The following BCAP29 variants were observed in gnomAD, a reference collection of about 807,000 sequenced individuals.
BCAP29 encodes B cell receptor associated protein 29.
A neutral mutation model predicts 31.8 loss-of-function variants in BCAP29; 34 were observed. The observed-to-expected ratio is 1.07, with a 90% CI of 0.81 to 1.42. The LOEUF (loss-of-function observed/expected upper bound fraction) is 1.42. BCAP29 is among the 40% of genes most tolerant of loss of function. The pLI, the probability that BCAP29 is intolerant of heterozygous loss-of-function variation, is 0.00. For missense variants in BCAP29, 314 were observed against 269.2 expected, an observed-to-expected ratio of 1.17 and a Z score of -1.16; for synonymous variants, 104 against 91.3, an observed-to-expected ratio of 1.14 and a Z score of -0.79.
chr7:107,596,154 G>A, intron 5 of BCAP29, 152 bp downstream of exon 5: 1 of 686,886 alleles, frequency 1.5e-6, no homozygotes, highest in Non-Finnish European at 2.2e-6. Context: ...TTCAAGAATA[G>A]TTTTACTGTT....
intron 3 of BCAP29, among the ~76,000 whole-genome samples, chr7:107,590,256 TTCAC>T (rs942472844): frequency 6.6e-6 from 1 of 152,094 alleles, no homozygotes; most frequent in African/African-American, 2.4e-5. Context: ...AAAAATAATA[TTCAC>T]TCAGTTGTTT....
At chr7:107,599,100 A>T (rs1810445905) in intron 5 of BCAP29, among the ~76,000 whole-genome samples, 1 of 133,676 alleles carries the variant, frequency 7.5e-6, no homozygotes, top group South Asian at 2.1e-4. Context: ...ATGTATATAA[A>T]TATATATTTA....
rs776173375 is a variant in BCAP29 at position 107,618,344 on chromosome 7, G to A, written c.707G>A (p.Gly236Asp). 1.3e-6 allele frequency: 2 copies of A among 1,591,628 alleles called. No homozygotes were observed. Among genetic ancestry groups the A allele is most frequent in the Non-Finnish European group, 8.6e-7 (1 of 1,168,210 alleles). Residue 236 changes from glycine (G) to aspartate (D), a missense_variant, in exon 8 of 8, where the codon GGC (glycine) becomes GAC (aspartate). Gly to Asp is a moderately conservative substitution (Grantham distance 94, BLOSUM62 -1). Coordinates refer to ENST00000005259, the MANE Select transcript of BCAP29 (RefSeq NM_018844.4). Reference protein sequence around the residue: ...HSELQDRLERGNKKRL With the variant: ...HSELQDRLERDNKKRL ...TCCTTACAGGATCGTTTAGAAAGAG[G>A]CAACAAGAAAAGACTGTGAACTTTA...
At chr7:107,603,197 C>A (rs138435335) in intron 6 of BCAP29, among the ~76,000 whole-genome samples, 3,543 of 152,030 alleles carry the variant, frequency 0.023, 134 homozygotes, top group African/African-American at 0.081. Flanking sequence ...GTCTCAATCT[C>A]CTGACCTTGT....
chr7:107,582,333 T>G (rs1806840940), intron 2 of BCAP29, among the ~76,000 whole-genome samples: 1 of 152,226 alleles, frequency 6.6e-6, no homozygotes, highest in African/African-American at 2.4e-5. Flanking sequence ...TATATAAATG[T>G]GTTCTCATGT....
rs113403958 is a variant in BCAP29, at chr7:107,617,752, G to A, written c.691-576G>A. ...TGTTCAGCCTGAACAAGAGCTTGAC[G>A]AACTTCTTTATACAAGCAATAACAC... On this transcript the variant is annotated intron_variant, in intron 7 of 7. Transcript: ENST00000005259. Among the ~76,000 whole-genome samples, 318 of 152,254 alleles carry A rather than the reference G, an allele frequency of 2.1e-3. 5 individuals are homozygous for A. The highest frequency in any genetic ancestry group is 7.0e-3 in the African/African-American group (293 of 41,566).
At chr7:107,605,342 T>A (rs936187322) in intron 6 of BCAP29, among the ~76,000 whole-genome samples, 2 of 152,206 alleles carry the variant, frequency 1.3e-5, no homozygotes, top group Admixed American at 1.3e-4. Context: ...GAAAACAGTT[T>A]GTTCTCAGAA....
chr7:107,602,915 C>G lies in BCAP29; in HGVS notation c.589+2410C>G, dbSNP rs115303534. Among the ~76,000 whole-genome samples, 848 of 149,730 alleles carry G rather than the reference C, an allele frequency of 5.7e-3. 12 individuals are homozygous for G. The highest frequency in any genetic ancestry group is 0.02 in the African/African-American group (812 of 40,698). ...GTCCAAAGAGATTGATTTTAAAGGT[C>G]TCTTCCAGGAAAACTACTTATTTTC... On this transcript the variant is annotated intron_variant, in intron 6 of 7. Transcript: ENST00000005259.
chr7:107,599,342 CATAT>C (rs138569997), intron 5 of BCAP29, among the ~76,000 whole-genome samples: 1 of 60,926 alleles, frequency 1.6e-5, no homozygotes, highest in Non-Finnish European at 3.2e-5. Context: ...TATATGCACA[CATAT>C]ATATATATAT....
intron 3 of BCAP29, among the ~76,000 whole-genome samples, chr7:107,589,172 C>A (rs576726571): frequency 2.0e-5 from 3 of 152,180 alleles, no homozygotes; most frequent in Non-Finnish European, 2.9e-5. Context: ...AGTCCCCACC[C>A]TTTTTGGCAC....
chr7:107,590,832 A>AG (rs201796828), intron 3 of BCAP29, among the ~76,000 whole-genome samples: 23,375 of 146,718 alleles, frequency 0.16, 1,970 homozygotes, highest in Non-Finnish European at 0.23. Flanking sequence ...AAAAAAAAAA[A>AG]AAAAGAAAGA....
chr7:107,584,827 T>C (rs1395602855), intron 3 of BCAP29, among the ~76,000 whole-genome samples: 1 of 152,228 alleles, frequency 6.6e-6, no homozygotes, highest in African/African-American at 2.4e-5. Context: ...CATTGTTACA[T>C]AGCAGGGTCA....
intron 3 of BCAP29, among the ~76,000 whole-genome samples, chr7:107,584,908 C>T (rs1807359881): frequency 6.6e-6 from 1 of 152,126 alleles, no homozygotes; most frequent in Non-Finnish European, 1.5e-5. Context: ...TGACCATGCC[C>T]ATTTGTTTAC....
Position 107,597,367 on chromosome 7 carries a change from C to T in BCAP29, c.480+1365C>T, listed in dbSNP as rs145997646. ...CTGGGATTATAGGCAAGAGTTACCGCGCCCAGCCATACCTCTTCATTCTCT... is the reference window on the plus strand; with the variant it reads ...CTGGGATTATAGGCAAGAGTTACCGTGCCCAGCCATACCTCTTCATTCTCT... On this transcript the variant is annotated intron_variant, in intron 5 of 7. Coordinates refer to ENST00000005259, the MANE Select transcript of BCAP29 (RefSeq NM_018844.4). 2.1e-4 allele frequency among the ~76,000 whole-genome samples: 32 copies of T among 152,194 alleles called. 1 individual carries two copies. The East Asian group carries it at 3.3e-3, about 16-fold the overall frequency.
At chr7:107,588,124 A>G (rs930238256) in intron 3 of BCAP29, among the ~76,000 whole-genome samples, 14 of 152,194 alleles carry the variant, frequency 9.2e-5, no homozygotes, top group Admixed American at 4.6e-4. Flanking sequence ...AAACTTTATA[A>G]TAGTTTTATT....
In BCAP29 at chr7:107,618,913, TTACTC is replaced by T. The variant is rs1431676743; in HGVS notation, c.*553_*557del. The T allele has an allele frequency of 5.5e-6, 1 of 182,868 alleles. No homozygotes were observed. Among genetic ancestry groups the T allele is most frequent in the Non-Finnish European group, 1.1e-5 (1 of 87,260 alleles). The allele number at this position is 182,868 out of a possible 1,614,324, so 11.3% of individuals were successfully genotyped here. On this transcript the variant is annotated 3_prime_UTR_variant, in exon 8 of 8. Transcript: ENST00000005259. ...TTTTTAAGCCTGATGATACTATGGT[TTACTC>T]TAATAAGATAGCTATATTGATAATT...
intron 2 of BCAP29, among the ~76,000 whole-genome samples, chr7:107,581,775 C>G (rs776844489): frequency 6.6e-6 from 1 of 152,166 alleles, no homozygotes; most frequent in Non-Finnish European, 1.5e-5. Context: ...TTGCTCCTTA[C>G]CTGCCTGGAT....
At chr7:107,612,422 TATATATA>T (rs1563141401) in intron 6 of BCAP29, among the ~76,000 whole-genome samples, 965 of 45,436 alleles carry the variant, frequency 0.021, 80 homozygotes, top group African/African-American at 0.04. Context: ...TATATATATA[TATATATA>T]TATATATATA....
chr7:107,595,918 A>G lies in BCAP29; in HGVS notation c.396A>G (p.Ser132=). Residue 132 remains serine (S), a synonymous_variant, in exon 5 of 8, where the codon TCA becomes TCG. Coordinates refer to ENST00000005259, the MANE Select transcript of BCAP29 (RefSeq NM_018844.4). ...TTACTCAACTGGCAAAAGAACTGTC[A>G]AACAAAGGTGTACTTAAAACTCAAG... ...TLITQLAKEL[S]NKGVLKTQAE... is the part of the protein sequence containing the mutation. 6.2e-7 allele frequency: 1 copy of G among 1,602,252 alleles called. No individual in the cohort carries two copies. The highest frequency in any genetic ancestry group is 1.1e-5 in the South Asian group (1 of 88,450).
Sources: gnomAD v4.1 joint callset for allele counts (sites outside exome capture counted in the v4.1 genomes callset) on GRCh38, gnomAD v4.1.1 for gene constraint, MANE v1.5 for transcripts, NCBI Gene and HGNC (gene_info 2026-07-23, HGNC 2026-07-21) for gene names.